DDX4: variants seen among roughly 807,000 people sequenced by gnomAD.
DDX4 encodes the protein DEAD-box helicase 4, also known as probable ATP-dependent RNA helicase DDX4.
A neutral mutation model predicts 100.0 loss-of-function variants in DDX4; 25 were observed. The observed-to-expected ratio is 0.25, with a 90% CI of 0.18 to 0.35. The LOEUF (loss-of-function observed/expected upper bound fraction) is 0.35. DDX4 is among the 10% of genes least tolerant of loss of function. The pLI, the probability that DDX4 is intolerant of heterozygous loss-of-function variation, is 1.00. For synonymous variants in DDX4, 259 were observed against 275.7 expected, an observed-to-expected ratio of 0.94 and a Z score of 0.60; for missense variants, 635 against 882.4, an observed-to-expected ratio of 0.72 and a Z score of 3.55.
intron 7 of DDX4, 56 bp downstream of exon 7, chr5:55,767,996 A>G: frequency 6.7e-7 from 1 of 1,483,410 alleles, no homozygotes; most frequent in Non-Finnish European, 9.4e-7. Flanking sequence ...TAAACTGGTA[A>G]AACTGATTTT....
At chr5:55,760,121 G>C in intron 3 of DDX4, 79 bp from the exon 4 acceptor site, 3 of 1,446,948 alleles carry the variant, frequency 2.1e-6, no homozygotes, top group South Asian at 2.9e-5. Flanking sequence ...TTTGCCACAT[G>C]TGGCACAGAA....
In DDX4 at chr5:55,816,562, T is replaced by C; in HGVS notation, c.*22T>C. ...TTAAAGCCAAAACATCCTTCAAGTC[T>C]GTGGTTTTGATGCAGAGAAGAAAAT... On this transcript the variant is annotated 3_prime_UTR_variant, in exon 22 of 22. Transcript: ENST00000505374. 6.2e-7 allele frequency: 1 copy of C among 1,606,322 alleles called. No individual in the cohort carries two copies. The highest frequency in any genetic ancestry group is 8.5e-7 in the Non-Finnish European group (1 of 1,177,308).
chr5:55,769,551 A>G (rs1741130231), intron 7 of DDX4, among the ~76,000 whole-genome samples: 1 of 152,198 alleles, frequency 6.6e-6, no homozygotes, highest in Admixed American at 6.5e-5. Context: ...AAATCAATGT[A>G]CAAAAATCAG....
rs371259863 is a variant in DDX4 at position 55,764,062 on chromosome 5, G to A, written c.332G>A (p.Arg111Lys). The A allele has an allele frequency of 6.2e-6, 10 of 1,606,110 alleles. No individual in the cohort carries two copies. The African/African-American group carries it at 9.4e-5, about 15-fold the overall frequency. ...GATGGTGATAGCTCTGGTTTCTGGAGAGGTAAGGTTGATATTTTTGTGTTT... is the reference window on the plus strand; with the variant it reads ...GATGGTGATAGCTCTGGTTTCTGGAAAGGTAAGGTTGATATTTTTGTGTTT... Reference protein sequence around the residue: ...FEDGDSSGFWRESSNDCEDNP... With the variant: ...FEDGDSSGFWKESSNDCEDNP... Residue 111 changes from arginine (R) to lysine (K), a missense_variant and splice_region_variant, in exon 6 of 22, where the codon AGA (arginine) becomes AAA (lysine). Transcript: ENST00000505374.
intron 2 of DDX4, among the ~76,000 whole-genome samples, chr5:55,742,505 A>G (rs1009863818): frequency 1.3e-5 from 2 of 152,236 alleles, no homozygotes; most frequent in African/African-American, 4.8e-5. Context: ...GAAAATAAAC[A>G]TATATATGAT....
At chr5:55,780,950 A>G (rs1408460586) in intron 8 of DDX4, 116 bp from the exon 9 acceptor site, 2 of 796,298 alleles carry the variant, frequency 2.5e-6, no homozygotes, top group East Asian at 5.4e-5. Flanking sequence ...GTATTTTTCT[A>G]TTTTACCCTG....
chr5:55,804,594 G>T (rs1342965236), intron 18 of DDX4, among the ~76,000 whole-genome samples: 2 of 152,060 alleles, frequency 1.3e-5, no homozygotes, highest in African/African-American at 2.4e-5. Context: ...TTTCCCCATT[G>T]CTTGTTTTTC....
intron 18 of DDX4, among the ~76,000 whole-genome samples, chr5:55,803,947 A>G (rs1270348452): frequency 6.6e-6 from 1 of 151,902 alleles, no homozygotes; most frequent in Non-Finnish European, 1.5e-5. Context: ...AACAGTGTAA[A>G]AGTGTTCCTA....
At chr5:55,761,390 T>A (rs1417570082) in intron 4 of DDX4, among the ~76,000 whole-genome samples, 1 of 152,124 alleles carries the variant, frequency 6.6e-6, no homozygotes, top group Non-Finnish European at 1.5e-5. Context: ...TAAATATTAT[T>A]GAATAAAACC....
In DDX4 at chr5:55,792,645, G is replaced by A; in HGVS notation, c.1307G>A (p.Gly436Asp). ...LMDIIGKEKIGLKQIKYLVLD... is the reference protein window; with the variant it reads ...LMDIIGKEKIDLKQIKYLVLD... ...CCTTTGAAAATATCCTTAAAGATTG[G>A]TCTCAAACAGATCAAATACTTAGTT... Residue 436 changes from glycine (G) to aspartate (D), a missense_variant, in exon 17 of 22, where the codon GGT becomes GAT. Gly to Asp is a moderately conservative substitution (Grantham distance 94). Around this residue, in one of 4 missense-constraint regions of DDX4, gnomAD observed 446 missense variants for 540.8 expected, o/e 0.82. Transcript: ENST00000505374. 6.4e-7 allele frequency: 1 copy of A among 1,563,084 alleles called. No individual in the cohort carries two copies. The highest frequency in any genetic ancestry group is 8.7e-7 in the Non-Finnish European group (1 of 1,147,182).
At chr5:55,799,509 G>A (rs1030474659) in intron 18 of DDX4, among the ~76,000 whole-genome samples, 2 of 152,032 alleles carry the variant, frequency 1.3e-5, no homozygotes, top group Non-Finnish European at 2.9e-5. Context: ...CTGAGTAGCC[G>A]GGACTACAGG....
At chr5:55,754,751 C>G (rs563522050) in intron 3 of DDX4, among the ~76,000 whole-genome samples, 74 of 150,464 alleles carry the variant, frequency 4.9e-4, no homozygotes, top group Non-Finnish European at 8.9e-4. Context: ...AGGAATGGTA[C>G]CAGTTCCTCC....
intron 3 of DDX4, among the ~76,000 whole-genome samples, chr5:55,758,222 T>C (rs1032724450): frequency 1.3e-5 from 2 of 152,252 alleles, no homozygotes; most frequent in Non-Finnish European, 2.9e-5. Context: ...TGTTGTGTGT[T>C]ACCTTTTTTT....
chr5:55,805,273 A>G (rs1017279419), intron 18 of DDX4, among the ~76,000 whole-genome samples: 3 of 151,832 alleles, frequency 2.0e-5, no homozygotes, highest in South Asian at 2.1e-4. Flanking sequence ...CTGCAAACAG[A>G]GACAATTTGA....
rs530178063 is a variant in DDX4 at position 55,776,221 on chromosome 5, G to T, written c.395-3743G>T. On this transcript the variant is annotated intron_variant, in intron 7 of 21. Coordinates refer to ENST00000505374, the MANE Select transcript of DDX4 (RefSeq NM_024415.3). ...AAGATTAAACACAGATGAAGAGAAT[G>T]AATTAATTCAAAGATAAATCTGTGG... Among the ~76,000 whole-genome samples, 44 of 152,308 alleles carry T rather than the reference G, an allele frequency of 2.9e-4. 1 individual carries two copies. The highest frequency in any genetic ancestry group is 1.0e-3 in the African/African-American group (42 of 41,580).
Position 55,763,998 on chromosome 5 carries a change from T to A in DDX4, c.284-16T>A. On this transcript the variant is annotated splice_polypyrimidine_tract_variant and intron_variant, in intron 5 of 21. Coordinates refer to ENST00000505374, the MANE Select transcript of DDX4 (RefSeq NM_024415.3). ...ACAGAGGTACAGGAAATTGTTTCAT[T>A]TTATATTTTGTATAGGTTTTTCAAA... The A allele has an allele frequency of 6.3e-7, 1 of 1,590,330 alleles. No homozygotes were observed. The highest frequency in any genetic ancestry group is 8.6e-7 in the Non-Finnish European group (1 of 1,158,950).
At chr5:55,815,290 T>A in intron 20 of DDX4, 23 bp from the exon 21 acceptor site, 1 of 1,603,470 alleles carries the variant, frequency 6.2e-7, no homozygotes, top group Non-Finnish European at 8.5e-7. Context: ...TTATGTTGCA[T>A]ATGAAGTCAA....
intron 18 of DDX4, among the ~76,000 whole-genome samples, chr5:55,800,814 C>T (rs960268154): frequency 1.3e-5 from 2 of 152,026 alleles, no homozygotes; most frequent in African/African-American, 2.4e-5. Context: ...ATAGTTGATA[C>T]CTTTTTAACT....
intron 21 of DDX4, 107 bp downstream of exon 21, chr5:55,815,530 T>G: frequency 7.3e-7 from 1 of 1,376,790 alleles, no homozygotes; most frequent in South Asian, 2.1e-5. Flanking sequence ...GCCATTGTTT[T>G]CGTGCCTGGA....
Sources: gnomAD v4.1 joint callset for allele counts (sites outside exome capture counted in the v4.1 genomes callset) on GRCh38, gnomAD v4.1.1 for gene constraint, gnomAD v4.1.1 regional missense constraint, MANE v1.5 for transcripts, NCBI Gene and HGNC (gene_info 2026-07-23, HGNC 2026-07-21) for gene names.